Variants in TRPC7 observed in about 807,000 individuals in gnomAD.
TRPC7 encodes the protein short transient receptor potential channel 7.
Under a neutral mutation model 90.1 loss-of-function variants are expected in TRPC7, and 42 were observed. That is an observed-to-expected ratio of 0.47 (90% confidence interval 0.36 to 0.60). The LOEUF is 0.60. Ranked by LOEUF, TRPC7 falls within the 20% of genes least tolerant of loss-of-function variation. The probability of loss-of-function intolerance (pLI) is 0.00; values close to 1 mark genes in which losing one functional copy is unlikely to be tolerated. For missense variants in TRPC7, 955 were observed against 1,112.3 expected (o/e 0.86, Z 2.01); for synonymous variants, 451 against 436.3 (o/e 1.03, Z -0.42).
rs1363382236 is a variant in TRPC7, at chr5:136,356,764, C to T, written c.624G>A (p.Arg208=). ...CKCNECTEKQ[R]KDSFSHSRSR... is the part of the protein sequence containing the mutation. The stretch of plus-strand genomic sequence containing the variant: ...AGCGCGAGTGGCTGAAGGAGTCTTT[C>T]CGCTGTTTCTCGGTGCACTCATTGC... Residue 208 remains arginine, a synonymous_variant, in exon 2 of 12, where the codon CGG becomes CGA. Coordinates refer to ENST00000513104, the MANE Select transcript of TRPC7 (RefSeq NM_020389.3). The T allele has an allele frequency of 6.2e-7, 1 of 1,612,316 alleles. No individual in the cohort carries two copies. Among genetic ancestry groups the T allele is most frequent in the East Asian group, 2.2e-5 (1 of 44,822 alleles).
intron 1 of TRPC7, among the ~76,000 whole-genome samples, chr5:136,362,422 G>A (rs779977620): frequency 6.6e-6 from 1 of 152,114 alleles, no homozygotes; most frequent in African/African-American, 2.4e-5. Flanking sequence ...GCAATGTAAT[G>A]ATGAATGAAT....
At chr5:136,231,651 C>T in intron 7 of TRPC7, 102 bp from the exon 8 acceptor site, 1 of 1,150,442 alleles carries the variant, frequency 8.7e-7, no homozygotes, top group Middle Eastern at 3.0e-4. Context: ...GTTGCCTAGG[C>T]TGGAGTGCAG....
At chr5:136,231,281 T>C in intron 8 of TRPC7, 73 bp downstream of exon 8, 1 of 1,314,912 alleles carries the variant, frequency 7.6e-7, no homozygotes, top group Non-Finnish European at 1.0e-6. Context: ...TCTAACATCA[T>C]TCCCCTCATT....
chr5:136,270,427 A>G lies in TRPC7; in HGVS notation c.1129-3991T>C, dbSNP rs141607289. On this transcript the variant is annotated intron_variant, in intron 4 of 11. Transcript: ENST00000513104. The stretch of plus-strand genomic sequence containing the variant: ...GTGCCTGGTGTATGGGAAGTACTCA[A>G]TATATGGCACTGGAGGGTCTCAGGG... Among the ~76,000 whole-genome samples, 944 of 152,286 alleles carry G rather than the reference A, an allele frequency of 6.2e-3. 9 individuals are homozygous for G. The highest frequency in any genetic ancestry group is 0.021 in the African/African-American group (864 of 41,566).
At chr5:136,331,599 G>A (rs1393981795) in intron 2 of TRPC7, among the ~76,000 whole-genome samples, 2 of 152,224 alleles carry the variant, frequency 1.3e-5, no homozygotes, top group African/African-American at 4.8e-5. Flanking sequence ...GTAAGCTGCA[G>A]TAACTGGATA....
chr5:136,289,243 C>T (rs954926867), intron 3 of TRPC7, among the ~76,000 whole-genome samples: 24 of 152,286 alleles, frequency 1.6e-4, no homozygotes, highest in Non-Finnish European at 2.5e-4. Flanking sequence ...ACGCAGAAGA[C>T]GGGTGACTTC....
At chr5:136,354,282 A>T (rs190191392) in intron 2 of TRPC7, among the ~76,000 whole-genome samples, 1 of 152,296 alleles carries the variant, frequency 6.6e-6, no homozygotes, top group East Asian at 1.9e-4. Context: ...AAGAGGCTAT[A>T]TTCCTTAAGA....
chr5:136,363,562 C>G (rs923397092), intron 1 of TRPC7, among the ~76,000 whole-genome samples: 1 of 152,072 alleles, frequency 6.6e-6, no homozygotes, highest in African/African-American at 2.4e-5. Flanking sequence ...AGGAAACAAG[C>G]AAAGTATCCT....
intron 7 of TRPC7, among the ~76,000 whole-genome samples, chr5:136,246,108 G>C (rs551356842): frequency 1.3e-5 from 2 of 152,182 alleles, no homozygotes; most frequent in South Asian, 4.1e-4. Context: ...GGATGTGCAT[G>C]CCATTGTGTT....
intron 1 of TRPC7, among the ~76,000 whole-genome samples, chr5:136,358,892 T>C (rs1760472847): frequency 1.3e-5 from 2 of 152,260 alleles, no homozygotes; most frequent in African/African-American, 4.8e-5. Context: ...ATCAAGAGTG[T>C]ATCCGTTTTA....
intron 2 of TRPC7, chr5:136,316,151 A>G (rs1410899533): frequency 1.1e-5 from 2 of 185,334 alleles, no homozygotes; most frequent in East Asian, 2.8e-4. Flanking sequence ...AATGATGTGG[A>G]TGCCTGCCAC....
intron 1 of TRPC7, among the ~76,000 whole-genome samples, chr5:136,357,921 C>G (rs1240328761): frequency 6.6e-6 from 1 of 152,192 alleles, no homozygotes; most frequent in Non-Finnish European, 1.5e-5. Flanking sequence ...GCCCAGCTCT[C>G]CAAGGGCTGT....
At chr5:136,240,126 C>T (rs1186327639) in intron 7 of TRPC7, among the ~76,000 whole-genome samples, 1 of 152,216 alleles carries the variant, frequency 6.6e-6, no homozygotes, top group African/African-American at 2.4e-5. Flanking sequence ...TAATCTTCTG[C>T]CATCTACCCA....
chr5:136,244,732 C>G (rs1030548009), intron 7 of TRPC7, among the ~76,000 whole-genome samples: 2 of 152,190 alleles, frequency 1.3e-5, no homozygotes, highest in Non-Finnish European at 2.9e-5. Flanking sequence ...TTACCTTTAG[C>G]AGATCTAGAG....
At chr5:136,301,506 T>C (rs913790997) in intron 3 of TRPC7, among the ~76,000 whole-genome samples, 1 of 152,062 alleles carries the variant, frequency 6.6e-6, no homozygotes, top group Admixed American at 6.6e-5. Context: ...TCCACCATTG[T>C]GATTTGTTTC....
chr5:136,326,598 C>A lies in TRPC7; in HGVS notation c.781-10819G>T, dbSNP rs557924249. Among the ~76,000 whole-genome samples the A allele has an allele frequency of 1.1e-4, 16 of 152,100 alleles. No homozygotes were observed. The South Asian group carries it at 3.3e-3, about 32-fold the overall frequency. ...ATGAGAAGAGATGGATTAGAAAAACCGGATATGATTGCTGGAGAACAATAG... is the reference window on the plus strand; with the variant it reads ...ATGAGAAGAGATGGATTAGAAAAACAGGATATGATTGCTGGAGAACAATAG... On this transcript the variant is annotated intron_variant, in intron 2 of 11. Coordinates refer to ENST00000513104, the MANE Select transcript of TRPC7 (RefSeq NM_020389.3).
At chr5:136,251,909 C>T in intron 5 of TRPC7, 27 bp from the exon 6 acceptor site, 3 of 1,596,668 alleles carry the variant, frequency 1.9e-6, no homozygotes, top group Non-Finnish European at 1.7e-6. Context: ...AGGCCAGGCT[C>T]ACTTTTCGTT....
intron 5 of TRPC7, among the ~76,000 whole-genome samples, chr5:136,264,353 G>A (rs920061943): frequency 2.0e-5 from 3 of 152,178 alleles, no homozygotes; most frequent in Non-Finnish European, 4.4e-5. Context: ...TGGGTGATTG[G>A]TGCTGTAAAT....
At chr5:136,241,748 G>T (rs1321110555) in intron 7 of TRPC7, among the ~76,000 whole-genome samples, 2 of 152,020 alleles carry the variant, frequency 1.3e-5, no homozygotes, top group African/African-American at 4.8e-5. Flanking sequence ...TAAAGATGTG[G>T]TTTTGCCATG....
Sources: gnomAD v4.1 joint callset for allele counts (sites outside exome capture counted in the v4.1 genomes callset) on GRCh38, gnomAD v4.1.1 for gene constraint, MANE v1.5 for transcripts, NCBI Gene and HGNC (gene_info 2026-07-23, HGNC 2026-07-21) for gene names.